Variants in ZW10 observed in about 807,000 individuals in gnomAD.
ZW10 encodes the protein centromere/kinetochore protein zw10 homolog.
A neutral mutation model predicts 87.8 loss-of-function variants in ZW10; 53 were observed. The ratio of observed to expected loss-of-function variants is 0.60; its 90% CI spans 0.48 to 0.76. ZW10 has a LOEUF of 0.76. Ranked by LOEUF, ZW10 falls within the 30% of genes least tolerant of loss-of-function variation. ZW10 has a pLI of 0.00. For missense variants in ZW10, 837 were observed against 923.0 expected (o/e 0.91, Z 1.21); for synonymous variants, 312 against 329.2 (o/e 0.95, Z 0.57).
chr11:113,748,142 T>C (rs955434270), intron 8 of ZW10, 115 bp downstream of exon 8: 1 of 946,548 alleles, frequency 1.1e-6, no homozygotes, highest in East Asian at 2.8e-5. Context: ...CTATTCCTTA[T>C]TAATAATTTA....
intron 7 of ZW10, among the ~76,000 whole-genome samples, chr11:113,755,425 G>A (rs1953773682): frequency 6.6e-6 from 1 of 152,328 alleles, no homozygotes; most frequent in African/African-American, 2.4e-5. Flanking sequence ...AATAGAGCCT[G>A]AAGATATAAC....
chr11:113,772,431 T>C (rs543862278), intron 1 of ZW10, among the ~76,000 whole-genome samples: 1 of 152,322 alleles, frequency 6.6e-6, no homozygotes, highest in Admixed American at 6.5e-5. Context: ...GGAAGGGTTA[T>C]ACCTGTGCCC....
At chr11:113,754,986 C>T (rs1953768373) in intron 7 of ZW10, among the ~76,000 whole-genome samples, 1 of 152,156 alleles carries the variant, frequency 6.6e-6, no homozygotes, top group Admixed American at 6.6e-5. Context: ...TTGAGACCTA[C>T]TGCTCAGAAA....
At chr11:113,751,209 G>A in intron 7 of ZW10, 1 of 283,716 alleles carries the variant, frequency 3.5e-6, no homozygotes, top group South Asian at 4.0e-5. Flanking sequence ...GACCATGCTG[G>A]CTTGAGCAGA....
intron 7 of ZW10, among the ~76,000 whole-genome samples, chr11:113,750,086 T>C (rs1020244340): frequency 2.6e-5 from 4 of 152,202 alleles, no homozygotes; most frequent in Admixed American, 6.5e-5. Flanking sequence ...ATTCTTTTTC[T>C]AGATTAAGAA....
At chr11:113,758,799 C>A in intron 5 of ZW10, 93 bp from the exon 6 acceptor site, 2 of 1,249,712 alleles carry the variant, frequency 1.6e-6, no homozygotes, top group Non-Finnish European at 2.3e-6. Context: ...ATTTCCAATG[C>A]AGTTCTATTA....
At position 113,739,305 on chromosome 11, in the gene ZW10, G is replaced by T. The variant is rs1469671406; in HGVS notation, c.1661C>A (p.Thr554Asn). 3.7e-6 allele frequency: 6 copies of T among 1,613,866 alleles called. No individual in the cohort carries two copies. Among genetic ancestry groups the T allele is most frequent in the Admixed American group, 3.3e-5 (2 of 59,992 alleles). ...ACGCAATCTGAACTGATGCCCGAGGGTCAGCAAGTGGTGAGCAATGTACAT... is the reference window on the plus strand; with the variant it reads ...ACGCAATCTGAACTGATGCCCGAGGTTCAGCAAGTGGTGAGCAATGTACAT... ...NCMYIAHHLL[T>N]LGHQFRLRLA... The change falls in exon 12 of 16, where the codon ACC (threonine) becomes AAC (asparagine). Residue 554 changes from threonine (T) to asparagine (N), a missense_variant. Coordinates refer to ENST00000200135, the MANE Select transcript of ZW10 (RefSeq NM_004724.4).
intron 9 of ZW10, among the ~76,000 whole-genome samples, chr11:113,746,185 G>A (rs1953674554): frequency 6.6e-6 from 1 of 152,056 alleles, no homozygotes; most frequent in Non-Finnish European, 1.5e-5. Flanking sequence ...AGCTACATTA[G>A]GATTTGAGTA....
chr11:113,733,758 G>A lies in ZW10; in HGVS notation c.2276C>T (p.Ala759Val). 6.2e-7 allele frequency: 1 copy of A among 1,614,080 alleles called. No individual in the cohort carries two copies. The highest frequency in any genetic ancestry group is 8.5e-7 in the Non-Finnish European group (1 of 1,179,988). ...AAAFSSSEVKALIRALFQNTE... is the reference protein window; with the variant it reads ...AAAFSSSEVKVLIRALFQNTE... ...GTTCTGAAACAAGGCACGAATTAAA[G>A]CTTTTACTTCACTGGAAGAGAACGC... Residue 759 changes from alanine to valine, a missense_variant, in exon 16 of 16, where the codon GCT becomes GTT. By Grantham distance (64) the Ala-to-Val change is moderately conservative. Transcript: ENST00000200135.
Position 113,739,286 on chromosome 11 carries a change from T to G in ZW10, c.1680A>C (p.Arg560Ser). 6.2e-7 allele frequency: 1 copy of G among 1,613,938 alleles called. No individual in the cohort carries two copies. The highest frequency in any genetic ancestry group is 8.5e-7 in the Non-Finnish European group (1 of 1,179,936). Reference sequence around the variant, plus strand: ...CACAAAGAATGGGGGCAAGACGCAATCTGAACTGATGCCCGAGGGTCAGCA... The same window carrying G: ...CACAAAGAATGGGGGCAAGACGCAAGCTGAACTGATGCCCGAGGGTCAGCA... ...HHLLTLGHQF[R>S]LRLAPILCDG... The change falls in exon 12 of 16, where the codon AGA (arginine) becomes AGC (serine). Residue 560 changes from arginine (R) to serine (S), a missense_variant. Transcript: ENST00000200135.
intron 8 of ZW10, 41 bp from the exon 9 acceptor site, chr11:113,747,754 A>G: frequency 2.1e-6 from 3 of 1,446,004 alleles, no homozygotes; most frequent in Non-Finnish European, 2.8e-6. Flanking sequence ...TCATTTACAT[A>G]TATTCCATTA....
intron 9 of ZW10, among the ~76,000 whole-genome samples, chr11:113,746,495 C>CAAAAAAAAAAAAAAAAAAAAAAAAAACA (rs566009326): frequency 9.5e-6 from 1 of 105,342 alleles, no homozygotes; most frequent in Non-Finnish European, 1.8e-5. Context: ...ACAAAACAGT[C>CAAAAAAAAAAAAAAAAAAAAAAAAAACA]AAAAAAAAAA....
chr11:113,771,398 T>G (rs1452489628), intron 1 of ZW10: 2 of 152,262 alleles, frequency 1.3e-5, no homozygotes, highest in Non-Finnish European at 2.9e-5. Context: ...TTACCTGGGC[T>G]GGAGTGGGGG....
intron 9 of ZW10, among the ~76,000 whole-genome samples, chr11:113,746,495 C>CAAAAAAAAAAAAAGAA (rs1953677584): frequency 9.5e-6 from 1 of 105,342 alleles, no homozygotes; most frequent in African/African-American, 3.9e-5. Flanking sequence ...ACAAAACAGT[C>CAAAAAAAAAAAAAGAA]AAAAAAAAAA....
At chr11:113,739,961 A>C (rs746087584) in intron 11 of ZW10, among the ~76,000 whole-genome samples, 8 of 152,198 alleles carry the variant, frequency 5.3e-5, no homozygotes, top group Non-Finnish European at 1.2e-4. Context: ...CCAGGATTGA[A>C]AATCACTACT....
At position 113,773,633 on chromosome 11, in the gene ZW10, A is replaced by C; in HGVS notation, c.34T>G (p.Ser12Ala). The change falls in exon 1 of 16, where the codon TCC (serine) becomes GCC (alanine). Residue 12 changes from serine (S) to alanine (A), a missense_variant. Physicochemically the swap from Ser to Ala is moderately conservative, Grantham distance 99. Coordinates refer to ENST00000200135, the MANE Select transcript of ZW10 (RefSeq NM_004724.4). Reference sequence around the variant, plus strand: ...AGATCCTCCTTTTCCAGCCTCCCGGAGTGTGCCAAAACTTCTGTCACGAAC... The same window carrying C: ...AGATCCTCCTTTTCCAGCCTCCCGGCGTGTGCCAAAACTTCTGTCACGAAC... ...ASFVTEVLAH[S>A]GRLEKEDLGT... 1 of 1,613,934 alleles carries C rather than the reference A, an allele frequency of 6.2e-7. No individual in the cohort carries two copies. The highest frequency in any genetic ancestry group is 8.5e-7 in the Non-Finnish European group (1 of 1,179,944).
At chr11:113,738,821 T>A (rs1379544576) in intron 12 of ZW10, among the ~76,000 whole-genome samples, 2 of 152,188 alleles carry the variant, frequency 1.3e-5, no homozygotes, top group African/African-American at 4.8e-5. Context: ...CTAAGGGAGA[T>A]GTAAGATGGG....
rs748424933 is a variant in ZW10, at chr11:113,741,696, G to C, written c.1581C>G (p.His527Gln). 1.4e-5 allele frequency: 23 copies of C among 1,592,226 alleles called. No individual in the cohort carries two copies. Among genetic ancestry groups the C allele is most frequent in the Non-Finnish European group, 1.9e-5 (22 of 1,167,620 alleles). The change falls in exon 11 of 16, where the codon CAC (histidine) becomes CAG (glutamine). Residue 527 changes from histidine to glutamine, a missense_variant and splice_region_variant. Physicochemically the swap from His to Gln is conservative, Grantham distance 24. Transcript: ENST00000200135. ...HLFHDVVPTYHKENLQKLPQL... is the reference protein window; with the variant it reads ...HLFHDVVPTYQKENLQKLPQL... ...AAATGAGATACAGTGGTACTTACTT[G>C]TGATATGTTGGTACAACATCATGGA...
intron 5 of ZW10, among the ~76,000 whole-genome samples, chr11:113,759,603 G>A (rs553659388): frequency 6.6e-6 from 1 of 152,260 alleles, no homozygotes; most frequent in African/African-American, 2.4e-5. Flanking sequence ...CACCAAAGAG[G>A]GCTCATACCC....
Sources: gnomAD v4.1 joint callset for allele counts (sites outside exome capture counted in the v4.1 genomes callset) on GRCh38, gnomAD v4.1.1 for gene constraint, MANE v1.5 for transcripts, NCBI Gene and HGNC (gene_info 2026-07-23, HGNC 2026-07-21) for gene names.